Variants in TRAPPC6A observed in about 807,000 individuals in gnomAD.
TRAPPC6A encodes the protein trafficking protein particle complex subunit 6A.
TRAPPC6A carries 25 observed loss-of-function variants against 20.8 expected under a neutral mutation model. The ratio of observed to expected loss-of-function variants is 1.20; its 90% CI spans 0.88 to 1.68. The LOEUF (loss-of-function observed/expected upper bound fraction) is 1.68. Ranked by LOEUF, TRAPPC6A falls within the 40% of genes most tolerant of loss-of-function variation. The pLI is 0.00. For synonymous variants in TRAPPC6A, 96 were observed against 93.3 expected, an observed-to-expected ratio of 1.03 and a Z score of -0.16; for missense variants, 215 against 211.6, an observed-to-expected ratio of 1.02 and a Z score of -0.10.
At position 45,178,188 on chromosome 19, in the gene TRAPPC6A, G is replaced by T; in HGVS notation, c.31C>A (p.His11Asn). Reference sequence around the variant, plus strand: ...CACAGCTCAGCCACCATCTCCGTGTGAAGAAACTCAAACAACACAGTATCC... The same window carrying T: ...CACAGCTCAGCCACCATCTCCGTGTTAAGAAACTCAAACAACACAGTATCC... MADTVLFEFL[H>N]TEMVAELWAH... Residue 11 changes from histidine to asparagine, a missense_variant, in exon 1 of 6, where the codon CAC becomes AAC. Transcript: ENST00000585934. 1 of 1,611,370 alleles carries T rather than the reference G, an allele frequency of 6.2e-7. No individual in the cohort carries two copies. Among genetic ancestry groups the T allele is most frequent in the Non-Finnish European group, 8.5e-7 (1 of 1,178,030 alleles).
chr19:45,171,364 C>T (rs1377103018), intron 1 of TRAPPC6A, among the ~76,000 whole-genome samples: 4 of 150,770 alleles, frequency 2.7e-5, no homozygotes, highest in Non-Finnish European at 4.4e-5. Context: ...AGAGACTCTC[C>T]CATTCATATG....
In TRAPPC6A at chr19:45,172,543, GCA is replaced by G. The variant is rs1969287608; in HGVS notation, c.84+5590_84+5591del. Among the ~76,000 whole-genome samples the G allele has an allele frequency of 6.6e-6, 1 of 151,676 alleles. No individual in the cohort carries two copies. The highest frequency in any genetic ancestry group is 2.4e-5 in the African/African-American group (1 of 40,948). On this transcript the variant is annotated intron_variant, in intron 1 of 5. Coordinates refer to ENST00000585934, the MANE Select transcript of TRAPPC6A (RefSeq NM_001270891.2). The surrounding 1 kb of genome is among the most constrained non-coding windows in gnomAD (Gnocchi z 4.2). ...GAAGGAGCAGCCCTGGTTAAGAAAAGCACACAGACAGAAGTGCTGGCACACAG... is the reference window on the plus strand; with the variant it reads ...GAAGGAGCAGCCCTGGTTAAGAAAAGCACAGACAGAAGTGCTGGCACACAG...
rs377728841 is a variant in TRAPPC6A at position 45,175,352 on chromosome 19, G to A, written c.84+2783C>T. On this transcript the variant is annotated intron_variant, in intron 1 of 5. Coordinates refer to ENST00000585934, the MANE Select transcript of TRAPPC6A (RefSeq NM_001270891.2). ...TGAGGCAGGAGAATGGCATGAACCC[G>A]GGAGGCGGAGCTTGCAGTGAGCCGA... 3.1e-4 allele frequency among the ~76,000 whole-genome samples: 47 copies of A among 151,578 alleles called. 1 individual carries two copies. The highest frequency in any genetic ancestry group is 1.0e-3 in the African/African-American group (43 of 41,282).
intron 3 of TRAPPC6A, 41 bp from the exon 4 acceptor site, chr19:45,164,288 T>A: frequency 7.1e-7 from 1 of 1,398,692 alleles, no homozygotes; most frequent in South Asian, 1.3e-5. Context: ...TCGGGGCCTG[T>A]ACATTTGAAG....
chr19:45,173,779 C>A lies in TRAPPC6A; in HGVS notation c.84+4356G>T, dbSNP rs1346694215. Among the ~76,000 whole-genome samples the A allele has an allele frequency of 1.3e-5, 2 of 152,150 alleles. No homozygotes were observed. The highest frequency in any genetic ancestry group is 2.9e-5 in the Non-Finnish European group (2 of 68,016). ...AGGCCCCCTGAAAAACGGGGCTCCC[C>A]AGGAGGAAGGAGTGAGGGGAAACGA... On this transcript the variant is annotated intron_variant, in intron 1 of 5. Transcript: ENST00000585934. The surrounding 1 kb of genome is among the most constrained non-coding windows in gnomAD (Gnocchi z 4.8).
intron 1 of TRAPPC6A, among the ~76,000 whole-genome samples, chr19:45,176,642 T>A (rs56184952): frequency 0.012 from 1,754 of 152,198 alleles, 35 homozygotes; most frequent in African/African-American, 0.041. Flanking sequence ...TTTATGATGT[T>A]TTAAACTTAT....
Position 45,163,803 on chromosome 19 carries a change from G to A in TRAPPC6A, c.448+113C>T. ...CTGCACCAGCCGTGTGGCTGAGCAG[G>A]TGACTTAAAACTGGGCCTGCCTCCC... On this transcript the variant is annotated intron_variant, in intron 5 of 5. Coordinates refer to ENST00000585934, the MANE Select transcript of TRAPPC6A (RefSeq NM_001270891.2). This position sits in a 1 kb window ranked among gnomAD's most constrained non-coding sequence, Gnocchi z 5.3. 1.1e-6 allele frequency: 1 copy of A among 924,680 alleles called. No individual in the cohort carries two copies. Among genetic ancestry groups the A allele is most frequent in the Admixed American group, 2.4e-5 (1 of 42,082 alleles). 57.3% of individuals were successfully genotyped at this position (924,680 alleles called of 1,614,324 possible). A position where few individuals can be genotyped will look rare whatever the true frequency, so the allele number is the denominator to read the frequency against.
chr19:45,163,047 C>A lies in TRAPPC6A; in HGVS notation c.*145G>T, dbSNP rs1463601111. 7.6e-6 allele frequency: 7 copies of A among 926,688 alleles called. No homozygotes were observed. Among genetic ancestry groups the A allele is most frequent in the Non-Finnish European group, 8.1e-6 (5 of 618,604 alleles). The allele number at this position is 926,688 out of a possible 1,614,324, so 57.4% of individuals were successfully genotyped here. A position where few individuals can be genotyped will look rare whatever the true frequency, so the allele number is the denominator to read the frequency against. On this transcript the variant is annotated 3_prime_UTR_variant, in exon 6 of 6. Transcript: ENST00000585934. The surrounding 1 kb of genome is among the most constrained non-coding windows in gnomAD (Gnocchi z 5.3). ...CCCTTTGCCTCCTCTGACACCCCCA[C>A]CTCAATTTGATACCCACTTCCTGAG...
chr19:45,167,501 G>A (rs573015499), intron 1 of TRAPPC6A, among the ~76,000 whole-genome samples: 2 of 152,196 alleles, frequency 1.3e-5, no homozygotes, highest in East Asian at 3.9e-4. Flanking sequence ...CACTTTGGGA[G>A]GTCGGAGTTT....
chr19:45,175,705 C>A (rs1037429098), intron 1 of TRAPPC6A, among the ~76,000 whole-genome samples: 1 of 151,926 alleles, frequency 6.6e-6, no homozygotes, highest in Non-Finnish European at 1.5e-5. Context: ...GGAGGGGCCA[C>A]GTGAGAAAGG....
chr19:45,170,067 A>AG (rs1019465753), intron 1 of TRAPPC6A, among the ~76,000 whole-genome samples: 1 of 151,996 alleles, frequency 6.6e-6, no homozygotes, highest in Non-Finnish European at 1.5e-5. Context: ...GCCCTCCAGG[A>AG]GGGGGCCGGA....
intron 1 of TRAPPC6A, among the ~76,000 whole-genome samples, chr19:45,176,150 G>A (rs1969368547): frequency 6.6e-6 from 1 of 151,862 alleles, no homozygotes; most frequent in Non-Finnish European, 1.5e-5. Flanking sequence ...GTGTCATCAC[G>A]CCCAGCTAAT....
intron 1 of TRAPPC6A, among the ~76,000 whole-genome samples, chr19:45,165,661 C>G (rs1245463620): frequency 2.6e-5 from 4 of 152,224 alleles, no homozygotes; most frequent in African/African-American, 9.6e-5. Flanking sequence ...GGAAGTCAAC[C>G]ATGATCATCA....
rs1163461128 is a variant in TRAPPC6A, at chr19:45,172,135, A to G, written c.84+6000T>C. 6.6e-6 allele frequency among the ~76,000 whole-genome samples: 1 copy of G among 151,688 alleles called. No homozygotes were observed. Among genetic ancestry groups the G allele is most frequent in the African/African-American group, 2.4e-5 (1 of 41,172 alleles). On this transcript the variant is annotated intron_variant, in intron 1 of 5. Transcript: ENST00000585934. This position sits in a 1 kb window ranked among gnomAD's most constrained non-coding sequence, Gnocchi z 4.2. The stretch of plus-strand genomic sequence containing the variant: ...GAGAATGGCCACAAATAACCACCGT[A>G]CCAGGCAGGATAGGAGGTCACAAAA...
chr19:45,166,986 C>T (rs923860494), intron 1 of TRAPPC6A, among the ~76,000 whole-genome samples: 2 of 152,184 alleles, frequency 1.3e-5, no homozygotes, highest in Non-Finnish European at 2.9e-5. Flanking sequence ...TCCTCTGCCC[C>T]CTGAGGACAT....
intron 1 of TRAPPC6A, among the ~76,000 whole-genome samples, chr19:45,168,450 A>C (rs1269018801): frequency 6.6e-6 from 1 of 152,216 alleles, no homozygotes; most frequent in Non-Finnish European, 1.5e-5. Flanking sequence ...ATCCCATCAC[A>C]GGGCGCACAC....
At position 45,171,171 on chromosome 19, in the gene TRAPPC6A, G is replaced by A. The variant is rs537136678; in HGVS notation, c.85-5977C>T. 1.6e-3 allele frequency among the ~76,000 whole-genome samples: 244 copies of A among 152,256 alleles called. 2 individuals carry two copies. The highest frequency in any genetic ancestry group is 3.3e-3 in the Admixed American group (50 of 15,300). ...ACAAAAATTAGCCGGGCGTGGTGGCGCACGCCTATAATCCCAGCTATTCAG... is the reference window on the plus strand; with the variant it reads ...ACAAAAATTAGCCGGGCGTGGTGGCACACGCCTATAATCCCAGCTATTCAG... On this transcript the variant is annotated intron_variant, in intron 1 of 5. Transcript: ENST00000585934.
chr19:45,174,677 A>G (rs1260617016), intron 1 of TRAPPC6A, among the ~76,000 whole-genome samples: 1 of 151,932 alleles, frequency 6.6e-6, no homozygotes, highest in Non-Finnish European at 1.5e-5. Context: ...AAAAATTTAA[A>G]AATTAGCAGG....
intron 1 of TRAPPC6A, among the ~76,000 whole-genome samples, chr19:45,168,314 T>C (rs1969202845): frequency 6.6e-6 from 1 of 152,144 alleles, no homozygotes; most frequent in South Asian, 2.1e-4. Flanking sequence ...TGACCCTGTC[T>C]TAAAAAATAA....
Sources: gnomAD v4.1 joint callset for allele counts (sites outside exome capture counted in the v4.1 genomes callset) on GRCh38, gnomAD v4.1.1 for gene constraint, Gnocchi (gnomAD v3.1) non-coding constraint, MANE v1.5 for transcripts, NCBI Gene and HGNC (gene_info 2026-07-23, HGNC 2026-07-21) for gene names.